The following IL19 variants were observed in gnomAD, a reference collection of about 807,000 sequenced individuals.
The protein encoded by IL19 is interleukin 19, also known as interleukin-19.
Under a neutral mutation model 19.5 loss-of-function variants are expected in IL19, and 15 were observed. That is an observed-to-expected ratio of 0.77 (90% CI 0.52 to 1.19). The LOEUF is 1.19. Among genes scored for constraint, IL19 ranks in the 50% most tolerant of loss-of-function variants. The pLI is 0.00. For missense variants in IL19, 199 were observed against 213.1 expected, an observed-to-expected ratio of 0.93 and a Z score of 0.41; for synonymous variants, 78 against 78.3, an observed-to-expected ratio of 1.00 and a Z score of 0.02.
chr1:206,842,000 G>T (rs1375242652), intron 6 of IL19, among the ~76,000 whole-genome samples: 1 of 152,202 alleles, frequency 6.6e-6, no homozygotes, highest in African/African-American at 2.4e-5. Context: ...GAGGAAGGAG[G>T]TGGAATAAGG....
At chr1:206,817,475 T>C (rs1489461647) in intron 2 of IL19, among the ~76,000 whole-genome samples, 2 of 152,234 alleles carry the variant, frequency 1.3e-5, no homozygotes, top group Non-Finnish European at 2.9e-5. Context: ...GCAAGACACT[T>C]TTGTGCAGTA....
At chr1:206,835,407 C>A (rs1189232859) in intron 2 of IL19, among the ~76,000 whole-genome samples, 1 of 152,190 alleles carries the variant, frequency 6.6e-6, no homozygotes, top group African/African-American at 2.4e-5. Context: ...CCTGTCTATT[C>A]CCTGGGAATG....
intron 2 of IL19, among the ~76,000 whole-genome samples, chr1:206,830,318 C>G (rs551524533): frequency 6.6e-6 from 1 of 151,898 alleles, no homozygotes; most frequent in Admixed American, 6.6e-5. Context: ...AAAGGAGAGC[C>G]AACCCCACTG....
intron 1 of IL19, among the ~76,000 whole-genome samples, chr1:206,778,755 C>T (rs1051320978): frequency 1.3e-5 from 2 of 152,210 alleles, no homozygotes; most frequent in East Asian, 3.8e-4. Flanking sequence ...TCATCCAGTG[C>T]ACCCTCGCTC....
At chr1:206,830,998 C>G (rs772711424) in intron 2 of IL19, among the ~76,000 whole-genome samples, 7 of 152,168 alleles carry the variant, frequency 4.6e-5, no homozygotes, top group Non-Finnish European at 1.0e-4. Flanking sequence ...TACATTTCAT[C>G]TAAATCCTGC....
intron 2 of IL19, among the ~76,000 whole-genome samples, chr1:206,814,450 G>A (rs974411424): frequency 6.7e-6 from 1 of 149,422 alleles, no homozygotes; most frequent in Non-Finnish European, 1.5e-5. Context: ...CAGCACTTTA[G>A]GAGGCTAAGG....
intron 1 of IL19, among the ~76,000 whole-genome samples, chr1:206,782,650 G>A (rs147805012): frequency 2.2e-3 from 330 of 152,270 alleles, no homozygotes; most frequent in South Asian, 1.0e-2. Flanking sequence ...CCTCACAAGC[G>A]GTGTTTGTGG....
At chr1:206,813,621 A>T (rs1324986501) in intron 2 of IL19, among the ~76,000 whole-genome samples, 3 of 152,198 alleles carry the variant, frequency 2.0e-5, no homozygotes, top group African/African-American at 7.2e-5. Flanking sequence ...TAATAATTTT[A>T]ACCTTTTCTC....
chr1:206,796,065 G>T (rs781238652), intron 1 of IL19, among the ~76,000 whole-genome samples: 9 of 151,974 alleles, frequency 5.9e-5, no homozygotes, highest in Admixed American at 2.0e-4. Flanking sequence ...CGATGGTATA[G>T]TTCGAAGGCC....
At chr1:206,786,888 CACCGGAGA>C (rs1200893185) in intron 1 of IL19, among the ~76,000 whole-genome samples, 1 of 152,044 alleles carries the variant, frequency 6.6e-6, no homozygotes, top group East Asian at 1.9e-4. Context: ...GCCCCCAAGC[CACCGGAGA>C]ACAGAACGCA....
At position 206,781,369 on chromosome 1, in the gene IL19, C is replaced by T. The variant is rs140741123; in HGVS notation, c.-149+10291C>T. On this transcript the variant is annotated intron_variant, in intron 1 of 6. Transcript: ENST00000659997. ...GGCTGAGGCTGCAGTGAGCAGAGAT[C>T]GCGCCACTGTGCTCCAGCCTGGGCG... Among the ~76,000 whole-genome samples, 1,262 of 134,480 alleles carry T rather than the reference C, an allele frequency of 9.4e-3. 12 individuals carry two copies. The highest frequency in any genetic ancestry group is 0.021 in the African/African-American group (738 of 35,422). The allele number at this position is 134,480 out of a possible 152,430, so 88.2% of individuals were successfully genotyped here.
intron 1 of IL19, among the ~76,000 whole-genome samples, chr1:206,783,546 G>A (rs997457558): frequency 2.0e-5 from 3 of 152,172 alleles, no homozygotes; most frequent in South Asian, 2.1e-4. Flanking sequence ...CTGGTTTCAC[G>A]AAAGCGGCTA....
chr1:206,832,802 G>T (rs1676652332), intron 2 of IL19, among the ~76,000 whole-genome samples: 1 of 152,194 alleles, frequency 6.6e-6, no homozygotes, highest in South Asian at 2.1e-4. Flanking sequence ...AACCACTATA[G>T]TCTACCACTT....
At chr1:206,804,909 T>A (rs1675807757) in intron 2 of IL19, among the ~76,000 whole-genome samples, 1 of 152,196 alleles carries the variant, frequency 6.6e-6, no homozygotes, top group African/African-American at 2.4e-5. Flanking sequence ...CCCAGAGAAA[T>A]GCTCTTTAGA....
At chr1:206,826,196 A>C (rs1263757731) in intron 2 of IL19, among the ~76,000 whole-genome samples, 2 of 152,184 alleles carry the variant, frequency 1.3e-5, no homozygotes, top group Non-Finnish European at 2.9e-5. Flanking sequence ...TTCCTAGAGG[A>C]ATTGTACCTT....
At chr1:206,796,927 T>C (rs1675537979) in intron 1 of IL19, among the ~76,000 whole-genome samples, 1 of 152,216 alleles carries the variant, frequency 6.6e-6, no homozygotes, top group Non-Finnish European at 1.5e-5. Flanking sequence ...TTCTCACCCT[T>C]TGTCCAGCCC....
At chr1:206,797,678 T>A (rs1675558555) in intron 1 of IL19, among the ~76,000 whole-genome samples, 1 of 152,206 alleles carries the variant, frequency 6.6e-6, no homozygotes, top group Non-Finnish European at 1.5e-5. Flanking sequence ...CCTACTCTTA[T>A]CACTCACAAA....
At chr1:206,837,370 T>C (rs1245992663) in intron 4 of IL19, among the ~76,000 whole-genome samples, 1 of 151,852 alleles carries the variant, frequency 6.6e-6, no homozygotes. Flanking sequence ...GATCAGTGAA[T>C]AAGAGGGAGG....
rs537028803 is a variant in IL19 at position 206,824,303 on chromosome 1, T to C, written c.-2-12358T>C. Among the ~76,000 whole-genome samples the C allele has an allele frequency of 4.6e-5, 7 of 152,310 alleles. No individual in the cohort carries two copies. The East Asian group carries it at 9.7e-4, about 21-fold the overall frequency. On this transcript the variant is annotated intron_variant, in intron 2 of 6. Transcript: ENST00000659997. ...TAAAGAAAGGAGGACATCTTCCCTATTGATATGGAAGATCTTCCCTGTTGA... is the reference window on the plus strand; with the variant it reads ...TAAAGAAAGGAGGACATCTTCCCTACTGATATGGAAGATCTTCCCTGTTGA...
Sources: gnomAD v4.1 joint callset for allele counts (sites outside exome capture counted in the v4.1 genomes callset) on GRCh38, gnomAD v4.1.1 for gene constraint, MANE v1.5 for transcripts, NCBI Gene and HGNC (gene_info 2026-07-23, HGNC 2026-07-21) for gene names.